The following VRK2 variants were observed in gnomAD, a reference collection of about 807,000 sequenced individuals.
VRK2 encodes the protein VRK serine/threonine kinase 2, also known as serine/threonine-protein kinase VRK2.
Under a neutral mutation model 57.6 loss-of-function variants are expected in VRK2, and 60 were observed. That is an observed-to-expected ratio of 1.04 (90% CI 0.85 to 1.29). The LOEUF (loss-of-function observed/expected upper bound fraction) is 1.29, where lower values mean the gene tolerates loss of function less well. Ranked by LOEUF, VRK2 falls within the 50% of genes most tolerant of loss-of-function variation. The probability of loss-of-function intolerance (pLI) is 0.00; values close to 1 mark genes in which losing one functional copy is unlikely to be tolerated. For synonymous variants in VRK2, 231 were observed against 199.2 expected (o/e 1.16, Z -1.35); for missense variants, 705 against 588.1 (o/e 1.20, Z -2.06).
At chr2:57,981,355 T>C (rs1427674395) in intron 1 of VRK2, among the ~76,000 whole-genome samples, 1 of 152,188 alleles carries the variant, frequency 6.6e-6, no homozygotes, top group Admixed American at 6.5e-5. Flanking sequence ...GTGGGTGGAA[T>C]GTAGGCCCCA....
intron 2 of VRK2, among the ~76,000 whole-genome samples, chr2:58,066,182 C>G (rs1267166343): frequency 2.0e-5 from 3 of 152,118 alleles, no homozygotes; most frequent in Admixed American, 2.0e-4. Flanking sequence ...GACTTGTTCT[C>G]ATTTTTAGGG....
intron 8 of VRK2, among the ~76,000 whole-genome samples, chr2:58,130,177 A>G (rs904544601): frequency 2.6e-5 from 4 of 152,160 alleles, no homozygotes; most frequent in Admixed American, 2.0e-4. Context: ...TTTTTCCTCA[A>G]AGGGCCTCTT....
At chr2:58,070,649 G>A (rs1002819769) in intron 2 of VRK2, among the ~76,000 whole-genome samples, 2 of 152,016 alleles carry the variant, frequency 1.3e-5, no homozygotes, top group East Asian at 1.9e-4. Flanking sequence ...TTTGTGGCTT[G>A]ATAGCACATT....
chr2:58,157,953 A>C (rs1684221906), intron 12 of VRK2, among the ~76,000 whole-genome samples: 2 of 152,176 alleles, frequency 1.3e-5, no homozygotes, highest in African/African-American at 4.8e-5. Flanking sequence ...GTTATAGACT[A>C]TCCTAATCAG....
intron 1 of VRK2, among the ~76,000 whole-genome samples, chr2:57,909,209 A>G (rs573902579): frequency 2.3e-4 from 35 of 152,340 alleles, no homozygotes; most frequent in African/African-American, 7.5e-4. Context: ...AACTGAACTC[A>G]TTTGACTTTG....
At chr2:58,125,422 G>A (rs1558668189) in intron 8 of VRK2, among the ~76,000 whole-genome samples, 1 of 151,728 alleles carries the variant, frequency 6.6e-6, no homozygotes, top group African/African-American at 2.4e-5. Flanking sequence ...AATACATGTT[G>A]AATATGTTGG....
At chr2:57,949,748 A>G (rs950688627) in intron 1 of VRK2, among the ~76,000 whole-genome samples, 1 of 152,242 alleles carries the variant, frequency 6.6e-6, no homozygotes, top group East Asian at 1.9e-4. Flanking sequence ...TGAGGAAGGC[A>G]TTTCAAAAGC....
chr2:58,001,915 A>G (rs1673101886), intron 1 of VRK2, among the ~76,000 whole-genome samples: 1 of 152,176 alleles, frequency 6.6e-6, no homozygotes, highest in South Asian at 2.1e-4. Flanking sequence ...AGTTATCTAC[A>G]ATATTCCAGG....
At chr2:58,094,596 T>G (rs972504252) in intron 7 of VRK2, among the ~76,000 whole-genome samples, 7 of 152,206 alleles carry the variant, frequency 4.6e-5, no homozygotes, top group Non-Finnish European at 1.0e-4. Flanking sequence ...AATCATGTCA[T>G]CTGCAAACAG....
intron 1 of VRK2, chr2:58,048,600 C>A: frequency 6.8e-7 from 1 of 1,462,316 alleles, no homozygotes; most frequent in Non-Finnish European, 9.2e-7. Flanking sequence ...TAGTTTGCTT[C>A]TGTTTTTTTA....
chr2:57,968,669 A>G (rs879715331), intron 1 of VRK2, among the ~76,000 whole-genome samples: 34 of 152,142 alleles, frequency 2.2e-4, no homozygotes, highest in Admixed American at 5.2e-4. Context: ...ACGGAAAAAT[A>G]AAAATTTGCT....
At chr2:57,945,032 C>G (rs556139619) in intron 1 of VRK2, among the ~76,000 whole-genome samples, 1 of 152,188 alleles carries the variant, frequency 6.6e-6, no homozygotes, top group South Asian at 2.1e-4. Flanking sequence ...CAGAAACTTA[C>G]TCAAGGTCAA....
intron 1 of VRK2, among the ~76,000 whole-genome samples, chr2:57,983,299 T>C (rs754929717): frequency 6.6e-6 from 1 of 152,194 alleles, no homozygotes; most frequent in Admixed American, 6.5e-5. Flanking sequence ...CATATATACG[T>C]CCTCTGACCA....
At chr2:58,055,488 C>T (rs1469464625) in intron 2 of VRK2, among the ~76,000 whole-genome samples, 3 of 152,196 alleles carry the variant, frequency 2.0e-5, no homozygotes, top group Non-Finnish European at 4.4e-5. Context: ...ATGAGAATTA[C>T]TACTTCGTGT....
intron 1 of VRK2, among the ~76,000 whole-genome samples, chr2:57,994,280 G>C (rs1014041563): frequency 4.6e-5 from 7 of 152,148 alleles, no homozygotes; most frequent in African/African-American, 1.7e-4. Context: ...TTTACTAATG[G>C]AGAGGGAAAT....
intron 1 of VRK2, among the ~76,000 whole-genome samples, chr2:57,939,000 A>T (rs1406521777): frequency 6.6e-6 from 1 of 152,232 alleles, no homozygotes; most frequent in East Asian, 1.9e-4. Context: ...TGAGCAACAC[A>T]GGCAGTTCAA....
At chr2:58,157,083 G>A (rs1243114361) in intron 12 of VRK2, among the ~76,000 whole-genome samples, 2 of 152,108 alleles carry the variant, frequency 1.3e-5, no homozygotes, top group African/African-American at 4.8e-5. Context: ...ATCTTAAATT[G>A]TGGCCTTTCT....
intron 1 of VRK2, among the ~76,000 whole-genome samples, chr2:57,955,431 G>T (rs1345540343): frequency 6.6e-6 from 1 of 152,040 alleles, no homozygotes; most frequent in Non-Finnish European, 1.5e-5. Context: ...ATATAAAAAT[G>T]AGAGTAGATC....
chr2:57,919,818 T>TA (rs200923430), intron 1 of VRK2, among the ~76,000 whole-genome samples: 18 of 152,220 alleles, frequency 1.2e-4, no homozygotes, highest in African/African-American at 3.1e-4. Flanking sequence ...CCGAAGTCAG[T>TA]AATTTTTTTT....
Sources: gnomAD v4.1 joint callset for allele counts (sites outside exome capture counted in the v4.1 genomes callset) on GRCh38, gnomAD v4.1.1 for gene constraint, MANE v1.5 for transcripts, NCBI Gene and HGNC (gene_info 2026-07-23, HGNC 2026-07-21) for gene names.